FBLN7: variants seen among roughly 807,000 people sequenced by gnomAD.
The protein encoded by FBLN7 is fibulin-7.
FBLN7 carries 31 observed loss-of-function variants against 44.0 expected under a neutral mutation model. The observed-to-expected ratio is 0.70, with a 90% CI of 0.53 to 0.95. The LOEUF (loss-of-function observed/expected upper bound fraction) is 0.95. Ranked by LOEUF, FBLN7 falls within the 40% of genes least tolerant of loss-of-function variation. FBLN7 has a pLI of 0.00. For missense variants in FBLN7, 573 were observed against 618.5 expected, an observed-to-expected ratio of 0.93 and a Z score of 0.78; for synonymous variants, 262 against 253.4, an observed-to-expected ratio of 1.03 and a Z score of -0.32.
intron 3 of FBLN7, among the ~76,000 whole-genome samples, chr2:112,168,427 A>G (rs1388980475): frequency 6.6e-6 from 1 of 152,230 alleles, no homozygotes; most frequent in Admixed American, 6.5e-5. Context: ...GTGATTGAAC[A>G]AAAATACTCA....
the FBLN7 span, chr2:112,232,051 A>G: frequency 1.6e-6 from 1 of 607,008 alleles, no homozygotes; most frequent in Non-Finnish European, 2.6e-6. Context: ...TGGCCGGGCG[A>G]GGTGGCTCAT....
intron 1 of FBLN7, among the ~76,000 whole-genome samples, chr2:112,157,502 C>A (rs1479962602): frequency 2.6e-5 from 4 of 152,182 alleles, no homozygotes; most frequent in Admixed American, 6.5e-5. Context: ...TAACACACAG[C>A]CCCCAGTGAA....
the FBLN7 span, chr2:112,231,952 C>A: frequency 6.8e-7 from 1 of 1,467,638 alleles, no homozygotes; most frequent in Admixed American, 1.8e-5. Context: ...ATTCATGTAA[C>A]CCAAGTGTTA....
At chr2:112,156,391 C>T (rs1681424731) in intron 1 of FBLN7, among the ~76,000 whole-genome samples, 1 of 152,176 alleles carries the variant, frequency 6.6e-6, no homozygotes, top group Admixed American at 6.5e-5. Flanking sequence ...GGAGACAAGC[C>T]CCGTTTCTCC....
chr2:112,183,001 CG>C, intron 6 of FBLN7, 73 bp downstream of exon 6: 2 of 1,567,782 alleles, frequency 1.3e-6, no homozygotes, highest in Non-Finnish European at 1.7e-6. Context: ...ACCTCACAGT[CG>C]GGAGTGAGGT....
At chr2:112,235,474 C>A in the FBLN7 span, among the ~76,000 whole-genome samples, 1 of 152,088 alleles carries the variant, frequency 6.6e-6, no homozygotes, top group South Asian at 2.1e-4. Flanking sequence ...TGGGTAATTA[C>A]CTGAACCACA....
chr2:112,174,906 T>G (rs1308817493), intron 3 of FBLN7, among the ~76,000 whole-genome samples: 5 of 151,802 alleles, frequency 3.3e-5, no homozygotes, highest in African/African-American at 1.2e-4. Context: ...AAAACAATCA[T>G]TTTTTTTCTA....
the FBLN7 span, chr2:112,213,900 C>T: frequency 6.9e-6 from 1 of 145,124 alleles, no homozygotes; most frequent in Non-Finnish European, 1.5e-5. Context: ...AATGAGAATT[C>T]TGTCCATTCT....
intron 1 of FBLN7, among the ~76,000 whole-genome samples, chr2:112,144,747 T>G (rs1188757224): frequency 6.6e-6 from 1 of 152,054 alleles, no homozygotes; most frequent in Non-Finnish European, 1.5e-5. Context: ...GGATGGTCTC[T>G]ATCTCTTGAC....
chr2:112,231,794 C>G, the FBLN7 span: 2 of 1,279,682 alleles, frequency 1.6e-6, no homozygotes, highest in South Asian at 3.0e-5. Flanking sequence ...CAAACATATT[C>G]CTTAAAAAAG....
chr2:112,139,216 T>C (rs186497152), intron 1 of FBLN7, among the ~76,000 whole-genome samples: 1,306 of 9,470 alleles, frequency 0.14, 125 homozygotes, highest in East Asian at 0.31. Flanking sequence ...GCCAGTGTCC[T>C]TCACGCCTCT....
chr2:112,210,081 T>C, the FBLN7 span, among the ~76,000 whole-genome samples: 1 of 148,452 alleles, frequency 6.7e-6, no homozygotes, highest in Admixed American at 6.7e-5. Flanking sequence ...CTGAAAGGGA[T>C]GGGGAGGAAT....
In FBLN7 at chr2:112,187,495, T is replaced by A. The variant is rs781615983; in HGVS notation, c.1309T>A (p.Tyr437Asn). The A allele has an allele frequency of 3.7e-6, 6 of 1,613,928 alleles. No individual in the cohort carries two copies. Among genetic ancestry groups the A allele is most frequent in the Non-Finnish European group, 5.1e-6 (6 of 1,179,990 alleles). Residue 437 changes from tyrosine (Y) to asparagine (N), a missense_variant, in exon 8 of 8, where the codon TAT becomes AAT. Tyr to Asn is a moderately radical substitution (Grantham distance 143, BLOSUM62 -2). Coordinates refer to ENST00000331203, the MANE Select transcript of FBLN7 (RefSeq NM_153214.3). This position sits in a 1 kb window ranked among gnomAD's most constrained non-coding sequence, Gnocchi z 5.1. ...VSKVTIFVSP[Y>N]DF ...CAAGGTCACCATCTTTGTATCCCCCTATGACTTCTGAGGGTACACAGGGGC... is the reference window on the plus strand; with the variant it reads ...CAAGGTCACCATCTTTGTATCCCCCAATGACTTCTGAGGGTACACAGGGGC...
the FBLN7 span, among the ~76,000 whole-genome samples, chr2:112,226,341 C>T: frequency 1.3e-5 from 2 of 151,834 alleles, no homozygotes; most frequent in Non-Finnish European, 2.9e-5. Flanking sequence ...GTAATCCCAG[C>T]ACTTTGGGAG....
At chr2:112,159,564 A>T (rs1012732808) in intron 1 of FBLN7, 112 bp from the exon 2 acceptor site, 77 of 1,283,428 alleles carry the variant, frequency 6.0e-5, no homozygotes, top group Non-Finnish European at 7.9e-5. Context: ...GCGTTGAGTG[A>T]GCTTCAAACG....
At chr2:112,234,169 C>A in the FBLN7 span, 3 of 1,608,346 alleles carry the variant, frequency 1.9e-6, no homozygotes, top group Non-Finnish European at 2.5e-6. Context: ...TTTTCCCTTG[C>A]GTTCCACTGT....
chr2:112,159,514 A>G (rs1321410354), intron 1 of FBLN7, among the ~76,000 whole-genome samples, 162 bp from the exon 2 acceptor site: 2 of 152,176 alleles, frequency 1.3e-5, no homozygotes, highest in Non-Finnish European at 2.9e-5. Context: ...GCTACCATGC[A>G]TGTACTTGGG....
chr2:112,222,339 G>C, the FBLN7 span, among the ~76,000 whole-genome samples: 11 of 152,142 alleles, frequency 7.2e-5, no homozygotes, highest in Non-Finnish European at 1.2e-4. Flanking sequence ...GGGACCACTG[G>C]GTTGGAAGCT....
the FBLN7 span, chr2:112,238,406 C>CA: frequency 6.2e-7 from 1 of 1,613,670 alleles, no homozygotes; most frequent in African/African-American, 1.3e-5. Context: ...ACTGTTGAAG[C>CA]TCTTTGGCAA....
Sources: allele counts gnomAD v4.1 joint callset (sites outside exome capture counted in the v4.1 genomes callset), GRCh38; gene constraint gnomAD v4.1.1; non-coding constraint Gnocchi (gnomAD v3.1); transcripts MANE v1.5; gene names NCBI Gene and HGNC (gene_info 2026-07-23, HGNC 2026-07-21).